Variants in SYT1 observed in about 807,000 individuals in gnomAD.
SYT1 encodes synaptotagmin-1.
A neutral mutation model predicts 44.8 loss-of-function variants in SYT1; 8 were observed. The observed-to-expected ratio is 0.18, with a 90% CI of 0.10 to 0.32. The LOEUF (loss-of-function observed/expected upper bound fraction) is 0.32, where lower values mean the gene tolerates loss of function less well. Ranked by LOEUF, SYT1 falls within the 10% of genes least tolerant of loss-of-function variation. SYT1 has a pLI of 1.00. For missense variants in SYT1, 286 were observed against 509.3 expected (o/e 0.56, Z 4.22); for synonymous variants, 154 against 188.8 (o/e 0.82, Z 1.51).
chr12:79,392,794 CTTT>C (rs1884712464), intron 9 of SYT1: 1 of 90,082 alleles, frequency 1.1e-5, no homozygotes, highest in African/African-American at 3.6e-5. Flanking sequence ...CTTTATTTTT[CTTT>C]CTTTTTTTTT....
chr12:79,055,746 A>G (rs1236426444), intron 3 of SYT1, among the ~76,000 whole-genome samples: 1 of 152,076 alleles, frequency 6.6e-6, no homozygotes, highest in East Asian at 1.9e-4. Flanking sequence ...AAATTAATAT[A>G]GTAACATAAG....
intron 8 of SYT1, among the ~76,000 whole-genome samples, chr12:79,331,836 AT>A (rs1359540087): frequency 4.6e-5 from 7 of 152,126 alleles, no homozygotes; most frequent in Non-Finnish European, 7.4e-5. Context: ...ACAAAAAAAA[AT>A]AAAGTCATAA....
At chr12:79,057,135 A>T (rs1424490440) in intron 3 of SYT1, among the ~76,000 whole-genome samples, 2 of 152,050 alleles carry the variant, frequency 1.3e-5, no homozygotes, top group Admixed American at 1.3e-4. Context: ...TTGGAATTGA[A>T]TCATTACAAA....
chr12:78,975,921 A>G (rs1343670199), intron 1 of SYT1, among the ~76,000 whole-genome samples: 1 of 152,220 alleles, frequency 6.6e-6, no homozygotes, highest in African/African-American at 2.4e-5. Flanking sequence ...GGGTAAAACC[A>G]TTAAATAATC....
chr12:78,884,865 T>C (rs1434826104), intron 1 of SYT1, among the ~76,000 whole-genome samples: 1 of 151,880 alleles, frequency 6.6e-6, no homozygotes, highest in African/African-American at 2.4e-5. Flanking sequence ...TTTATAAAAT[T>C]TGGCAAATTT....
intron 4 of SYT1, among the ~76,000 whole-genome samples, chr12:79,274,856 G>T (rs1260779677): frequency 6.6e-6 from 1 of 152,196 alleles, no homozygotes; most frequent in African/African-American, 2.4e-5. Context: ...AATTGAGAAA[G>T]CCACCACACT....
At chr12:79,134,729 C>T (rs79058720) in intron 3 of SYT1, among the ~76,000 whole-genome samples, 22 of 151,946 alleles carry the variant, frequency 1.4e-4, no homozygotes, top group Non-Finnish European at 2.9e-4. Flanking sequence ...AACAAGGGCT[C>T]GATGGGTATC....
rs186526078 is a variant in SYT1, at chr12:79,130,668, C to T, written c.-18+83306C>T. ...TTATGTGAACATCATCTGCTTGGGC[C>T]ATGCCATAATTACCCGCATGGGATT... On this transcript the variant is annotated intron_variant, in intron 3 of 10. Coordinates refer to ENST00000261205, the MANE Select transcript of SYT1 (RefSeq NM_005639.3). 8.7e-4 allele frequency among the ~76,000 whole-genome samples: 132 copies of T among 152,246 alleles called. No homozygotes were observed. In the South Asian group the frequency reaches 8.9e-3, roughly 10 times the overall value.
rs144168681 is a variant in SYT1, at chr12:79,148,955, C to A, written c.-17-68548C>A. Among the ~76,000 whole-genome samples the A allele has an allele frequency of 1.1e-4, 16 of 151,986 alleles. No individual in the cohort carries two copies. In the East Asian group the frequency reaches 2.9e-3, roughly 28 times the overall value. Reference sequence around the variant, plus strand: ...CGTCTCAATATCGTTTAAATTAGTTCTTGTATATAAGATTATTTTAAGTTA... The same window carrying A: ...CGTCTCAATATCGTTTAAATTAGTTATTGTATATAAGATTATTTTAAGTTA... On this transcript the variant is annotated intron_variant, in intron 3 of 10. Coordinates refer to ENST00000261205, the MANE Select transcript of SYT1 (RefSeq NM_005639.3).
intron 2 of SYT1, among the ~76,000 whole-genome samples, chr12:79,010,664 CTCACTGAT>C: frequency 6.6e-6 from 1 of 152,148 alleles, no homozygotes; most frequent in Non-Finnish European, 1.5e-5. Flanking sequence ...TCTTTTGATT[CTCACTGAT>C]TATGCCTTTG....
At chr12:78,968,471 A>C (rs891488510) in intron 1 of SYT1, among the ~76,000 whole-genome samples, 4 of 152,174 alleles carry the variant, frequency 2.6e-5, no homozygotes, top group Non-Finnish European at 4.4e-5. Flanking sequence ...GATGAAATGC[A>C]TTTGAGAGGA....
At chr12:79,184,476 G>A (rs952720207) in intron 3 of SYT1, among the ~76,000 whole-genome samples, 2 of 151,928 alleles carry the variant, frequency 1.3e-5, no homozygotes, top group African/African-American at 2.4e-5. Context: ...TTTGAATTTG[G>A]CATCATCAGT....
chr12:78,934,843 C>T (rs996533147), intron 1 of SYT1, among the ~76,000 whole-genome samples: 1 of 152,116 alleles, frequency 6.6e-6, no homozygotes, highest in Non-Finnish European at 1.5e-5. Context: ...GGCTGCACGG[C>T]CTCCACATTC....
intron 3 of SYT1, among the ~76,000 whole-genome samples, chr12:79,134,113 T>A (rs548073074): frequency 8.5e-5 from 13 of 152,332 alleles, no homozygotes; most frequent in African/African-American, 3.1e-4. Flanking sequence ...TTCTTGTTAC[T>A]GGGTGTCAAA....
At position 79,217,330 on chromosome 12, in the gene SYT1, G is replaced by A. The variant is rs55644603; in HGVS notation, c.-17-173G>A. On this transcript the variant is annotated intron_variant, in intron 3 of 10. Coordinates refer to ENST00000261205, the MANE Select transcript of SYT1 (RefSeq NM_005639.3). Reference sequence around the variant, plus strand: ...CCTTCTGGGGAAGAACTCTTCACTCGCTGTGGTTCCATAAATATTTCATTT... The same window carrying A: ...CCTTCTGGGGAAGAACTCTTCACTCACTGTGGTTCCATAAATATTTCATTT... 3.8e-3 allele frequency among the ~76,000 whole-genome samples: 582 copies of A among 152,258 alleles called. 8 individuals are homozygous for A. The highest frequency in any genetic ancestry group is 0.014 in the African/African-American group (566 of 41,542).
At chr12:78,935,970 A>G (rs954380912) in intron 1 of SYT1, among the ~76,000 whole-genome samples, 2 of 152,134 alleles carry the variant, frequency 1.3e-5, no homozygotes, top group African/African-American at 4.8e-5. Flanking sequence ...TCCAAGTACA[A>G]AGAGTTCATT....
intron 3 of SYT1, among the ~76,000 whole-genome samples, chr12:79,064,249 A>G (rs1875599637): frequency 6.6e-6 from 1 of 152,168 alleles, no homozygotes; most frequent in African/African-American, 2.4e-5. Context: ...GGAGAAAGGA[A>G]AGAGGGAGTA....
Position 79,141,928 on chromosome 12 carries a change from C to T in SYT1, c.-17-75575C>T, listed in dbSNP as rs17005293. On this transcript the variant is annotated intron_variant, in intron 3 of 10. Transcript: ENST00000261205. ...GGGTTTCTTTCTTCAGGGTGCTGCC[C>T]AAGTGCATCAGAACCCTGTTTAACT... Among the ~76,000 whole-genome samples, 3 of 152,130 alleles carry T rather than the reference C, an allele frequency of 2.0e-5. No individual in the cohort carries two copies. In the South Asian group the frequency reaches 6.2e-4, roughly 31 times the overall value.
At chr12:79,076,235 G>T (rs1201214036) in intron 3 of SYT1, among the ~76,000 whole-genome samples, 8 of 152,030 alleles carry the variant, frequency 5.3e-5, no homozygotes, top group Non-Finnish European at 8.8e-5. Context: ...CAGAGATAAG[G>T]ATGTTTCTTT....
Sources: allele counts gnomAD v4.1 joint callset (sites outside exome capture counted in the v4.1 genomes callset), GRCh38; gene constraint gnomAD v4.1.1; transcripts MANE v1.5; gene names NCBI Gene and HGNC (gene_info 2026-07-23, HGNC 2026-07-21).